The following FHAD1 variants were observed in gnomAD, a reference collection of about 807,000 sequenced individuals.
The protein encoded by FHAD1 is forkhead associated phosphopeptide binding domain 1.
Under a neutral mutation model 191.3 loss-of-function variants are expected in FHAD1, and 146 were observed. The ratio of observed to expected loss-of-function variants is 0.76; its 90% CI spans 0.67 to 0.88. FHAD1 has a LOEUF of 0.88. FHAD1 is among the 40% of genes least tolerant of loss of function. The pLI is 0.00. For missense variants in FHAD1, 1,635 were observed against 1,785.8 expected, an observed-to-expected ratio of 0.92 and a Z score of 1.52; for synonymous variants, 616 against 672.3, an observed-to-expected ratio of 0.92 and a Z score of 1.29.
chr1:15,281,760 C>CAAAAA lies in FHAD1; in HGVS notation c.301-7619_301-7615dup, dbSNP rs35950054. On this transcript the variant is annotated intron_variant, in intron 3 of 33. Transcript: ENST00000688493. ...TGGGTGACAGAGTGAGACACTGTCT[C>CAAAAA]AAAAAAAAAAAAAAAAAAAAAAAAG... Among the ~76,000 whole-genome samples the CAAAAA allele has an allele frequency of 6.3e-3, 406 of 64,412 alleles. 8 individuals carry two copies. Among genetic ancestry groups the CAAAAA allele is most frequent in the African/African-American group, 0.022 (369 of 16,532 alleles). The allele number at this position is 64,412 out of a possible 152,430, so 42.3% of individuals were successfully genotyped here. A position where few individuals can be genotyped will look rare whatever the true frequency, so the allele number is the denominator to read the frequency against.
At chr1:15,354,425 G>A (rs190693039) in intron 20 of FHAD1, among the ~76,000 whole-genome samples, 12 of 152,322 alleles carry the variant, frequency 7.9e-5, no homozygotes, top group African/African-American at 2.4e-4. Context: ...GAAGGCAGAC[G>A]AGAGTTGGGT....
rs1056287988 is a variant in FHAD1 at position 15,316,321 on chromosome 1, C to T, written c.1171-57C>T. The T allele has an allele frequency of 1.5e-5, 21 of 1,427,358 alleles. No individual in the cohort carries two copies. The African/African-American group carries it at 3.0e-4, about 20-fold the overall frequency. 88.4% of individuals were successfully genotyped at this position (1,427,358 alleles called of 1,614,324 possible). The stretch of plus-strand genomic sequence containing the variant: ...TGGGGCCTTGGAGCCCCTCCTTCCC[C>T]CGACAACCCTACCTGGCCAACGTTG... On this transcript the variant is annotated intron_variant, in intron 8 of 33. Transcript: ENST00000688493. The surrounding 1 kb of genome is among the most constrained non-coding windows in gnomAD (Gnocchi z 4.3).
Position 15,365,874 on chromosome 1 carries a change from T to A in FHAD1, c.3095T>A (p.Val1032Asp). The change falls in exon 24 of 34, where the codon GTC becomes GAC. Residue 1032 changes from valine (V) to aspartate (D), a missense_variant. Physicochemically the swap from Val to Asp is radical, Grantham distance 152. Transcript: ENST00000688493. ...AQKEILSQQE[V>D]IMKLRKDLTE... ...AAGGAAATTCTGTCTCAGCAGGAAG[T>A]CATCATGAAGTTAAGGAAAGACCTT... is the stretch of plus-strand genomic sequence containing the variant. The A allele has an allele frequency of 6.4e-7, 1 of 1,551,544 alleles. No individual in the cohort carries two copies. Among genetic ancestry groups the A allele is most frequent in the Non-Finnish European group, 8.7e-7 (1 of 1,146,944 alleles).
intron 6 of FHAD1, among the ~76,000 whole-genome samples, chr1:15,306,939 C>G (rs1355803233): frequency 1.3e-5 from 2 of 152,192 alleles, no homozygotes; most frequent in Non-Finnish European, 2.9e-5. Flanking sequence ...GAAGAGGGCC[C>G]CCGTCCTCCA....
chr1:15,316,205 C>T lies in FHAD1; in HGVS notation c.1171-173C>T, dbSNP rs1029379222. On this transcript the variant is annotated intron_variant, in intron 8 of 33. Transcript: ENST00000688493. This position sits in a 1 kb window ranked among gnomAD's most constrained non-coding sequence, Gnocchi z 4.3. Reference sequence around the variant, plus strand: ...GGAGAAGCAGGAACAGCTTTGGGATCCTGTGTGCCCGTCAGACACCATGGG... The same window carrying T: ...GGAGAAGCAGGAACAGCTTTGGGATTCTGTGTGCCCGTCAGACACCATGGG... 2.0e-5 allele frequency among the ~76,000 whole-genome samples: 3 copies of T among 152,242 alleles called. No homozygotes were observed. The highest frequency in any genetic ancestry group is 1.3e-4 in the Admixed American group (2 of 15,288).
chr1:15,316,270 G>C lies in FHAD1; in HGVS notation c.1171-108G>C. 1.2e-6 allele frequency: 1 copy of C among 835,250 alleles called. No homozygotes were observed. The highest frequency in any genetic ancestry group is 1.9e-6 in the Non-Finnish European group (1 of 519,046). The allele number at this position is 835,250 out of a possible 1,614,324, so 51.7% of individuals were successfully genotyped here. A position where few individuals can be genotyped will look rare whatever the true frequency, so the allele number is the denominator to read the frequency against. On this transcript the variant is annotated intron_variant, in intron 8 of 33. Transcript: ENST00000688493. This position sits in a 1 kb window ranked among gnomAD's most constrained non-coding sequence, Gnocchi z 4.3. ...CTCAGTGCGTGACTGGATGGAAACA[G>C]CAGGAAATGCTCTCAGGGGCTCACA...
At chr1:15,374,752 G>A (rs1217808860) in intron 27 of FHAD1, 121 bp downstream of exon 27, 3 of 1,261,574 alleles carry the variant, frequency 2.4e-6, no homozygotes, top group South Asian at 1.5e-5. Flanking sequence ...GGAGGACATT[G>A]TAATACACAA....
Position 15,381,902 on chromosome 1 carries a change from C to A in FHAD1, c.4023-126C>A. 2 of 1,022,328 alleles carry A rather than the reference C, an allele frequency of 2.0e-6. No individual in the cohort carries two copies. The highest frequency in any genetic ancestry group is 2.9e-6 in the Non-Finnish European group (2 of 699,738). The allele number at this position is 1,022,328 out of a possible 1,614,324, so 63.3% of individuals were successfully genotyped here. A position where few individuals can be genotyped will look rare whatever the true frequency, so the allele number is the denominator to read the frequency against. ...CCCAAATCTTCGTCATGCTCTCCTG[C>A]TTGTGATGACACTCCTGAGTGAGCC... On this transcript the variant is annotated intron_variant, in intron 30 of 33. Coordinates refer to ENST00000688493, the MANE Select transcript of FHAD1 (RefSeq NM_001391957.1). The surrounding 1 kb of genome is among the most constrained non-coding windows in gnomAD (Gnocchi z 4.6).
chr1:15,329,361 T>G lies in FHAD1; in HGVS notation c.1726T>G (p.Ser576Ala). 1.3e-6 allele frequency: 2 copies of G among 1,544,868 alleles called. No individual in the cohort carries two copies. Among genetic ancestry groups the G allele is most frequent in the Non-Finnish European group, 1.8e-6 (2 of 1,141,644 alleles). ...CTCTTTGCAGGCTTGCATGAAAATA[T>G]CCTGTTGCAGCCATGACCTGAAGAA... ...LDSCQACMKI[S>A]CCSHDLKKEV... The change falls in exon 14 of 34, where the codon TCC (serine) becomes GCC (alanine). Residue 576 changes from serine to alanine, a missense_variant. Coordinates refer to ENST00000688493, the MANE Select transcript of FHAD1 (RefSeq NM_001391957.1). The surrounding 1 kb of genome is among the most constrained non-coding windows in gnomAD (Gnocchi z 5.0).
At position 15,308,517 on chromosome 1, in the gene FHAD1, C is replaced by T; in HGVS notation, c.916-96C>T. ...GGTTTCCCCAACACCCCAGCCAAAA[C>T]TCAATCTGAATCTTTCTGTCAAGCT... On this transcript the variant is annotated intron_variant, in intron 6 of 33. Coordinates refer to ENST00000688493, the MANE Select transcript of FHAD1 (RefSeq NM_001391957.1). 4 of 1,490,982 alleles carry T rather than the reference C, an allele frequency of 2.7e-6. 1 individual carries two copies. Among genetic ancestry groups the T allele is most frequent in the Non-Finnish European group, 2.7e-6 (3 of 1,114,246 alleles). 92.4% of individuals were successfully genotyped at this position (1,490,982 alleles called of 1,614,324 possible).
chr1:15,296,956 C>T (rs759315051), intron 5 of FHAD1, among the ~76,000 whole-genome samples, 163 bp downstream of exon 5: 3 of 152,222 alleles, frequency 2.0e-5, no homozygotes, highest in Admixed American at 6.5e-5. Flanking sequence ...TTCTAAATTA[C>T]GACCTCCGCA....
intron 2 of FHAD1, among the ~76,000 whole-genome samples, chr1:15,261,514 G>C (rs763354479): frequency 6.6e-6 from 1 of 152,108 alleles, no homozygotes; most frequent in Non-Finnish European, 1.5e-5. Context: ...CAGGACTCTC[G>C]GAACTCTCCC....
In FHAD1 at chr1:15,249,311, T is replaced by C. The variant is rs549506861; in HGVS notation, c.-15+1916T>C. On this transcript the variant is annotated intron_variant, in intron 1 of 33. Transcript: ENST00000688493. ...GAGCTAAAAAAAAAAAAAAAGCCAG[T>C]CATTCAGATTTGGGGTTTTACTCTG... Among the ~76,000 whole-genome samples, 4 of 149,300 alleles carry C rather than the reference T, an allele frequency of 2.7e-5. No individual in the cohort carries two copies. In the East Asian group the frequency reaches 7.9e-4, roughly 29 times the overall value.
intron 14 of FHAD1, among the ~76,000 whole-genome samples, chr1:15,337,696 T>C (rs913559009): frequency 6.6e-6 from 1 of 152,038 alleles, no homozygotes; most frequent in Non-Finnish European, 1.5e-5. Flanking sequence ...CGGCCCGACA[T>C]AGCAGCAGTG....
At chr1:15,335,889 T>C (rs1173115250) in intron 14 of FHAD1, among the ~76,000 whole-genome samples, 1 of 152,098 alleles carries the variant, frequency 6.6e-6, no homozygotes, top group Non-Finnish European at 1.5e-5. Context: ...CCTCCTCAGA[T>C]CCCAACCATG....
At chr1:15,254,889 G>C (rs1313666292) in intron 2 of FHAD1, among the ~76,000 whole-genome samples, 1 of 152,174 alleles carries the variant, frequency 6.6e-6, no homozygotes, top group African/African-American at 2.4e-5. Context: ...ACACAGGTCT[G>C]TTTTGAAGAA....
intron 1 of FHAD1, among the ~76,000 whole-genome samples, chr1:15,237,987 A>G (rs1644961208): frequency 6.6e-6 from 1 of 152,144 alleles, no homozygotes. Flanking sequence ...GCGGTGGCTC[A>G]TGCCTGTAAT....
intron 25 of FHAD1, among the ~76,000 whole-genome samples, 154 bp downstream of exon 25, chr1:15,367,776 C>G (rs928135272): frequency 3.7e-4 from 56 of 152,102 alleles, no homozygotes; most frequent in African/African-American, 1.4e-3. Context: ...GCTTCTCAAA[C>G]TTCCTTGTCC....
chr1:15,245,759 A>G (rs191779048), upstream of FHAD1, among the ~76,000 whole-genome samples: 1 of 152,376 alleles, frequency 6.6e-6, no homozygotes, highest in African/African-American at 2.4e-5. Context: ...GTTCAGCTGC[A>G]TAAATCAGGG....
Sources: allele counts gnomAD v4.1 joint callset (sites outside exome capture counted in the v4.1 genomes callset), GRCh38; gene constraint gnomAD v4.1.1; non-coding constraint Gnocchi (gnomAD v3.1); transcripts MANE v1.5; gene names NCBI Gene and HGNC (gene_info 2026-07-23, HGNC 2026-07-21).